The following SEMA5A variants were observed in gnomAD, a reference collection of about 807,000 sequenced individuals.
The protein encoded by SEMA5A is semaphorin-5A.
A neutral mutation model predicts 135.5 loss-of-function variants in SEMA5A; 55 were observed. That is an observed-to-expected ratio of 0.41 (90% confidence interval 0.33 to 0.51). The LOEUF (loss-of-function observed/expected upper bound fraction) is 0.51, where lower values mean the gene tolerates loss of function less well. Among genes scored for constraint, SEMA5A ranks in the 20% least tolerant of loss-of-function variants. SEMA5A has a pLI of 0.37. For missense variants in SEMA5A, 1,290 were observed against 1,419.9 expected, an observed-to-expected ratio of 0.91 and a Z score of 1.47; for synonymous variants, 580 against 546.5, an observed-to-expected ratio of 1.06 and a Z score of -0.85.
At chr5:9,064,339 C>T (rs576798686) in intron 17 of SEMA5A, among the ~76,000 whole-genome samples, 35 of 152,234 alleles carry the variant, frequency 2.3e-4, no homozygotes, top group African/African-American at 6.7e-4. Flanking sequence ...AAACTCTATG[C>T]GCACGTATGT....
At chr5:9,281,467 T>C (rs1750536777) in intron 5 of SEMA5A, among the ~76,000 whole-genome samples, 1 of 152,208 alleles carries the variant, frequency 6.6e-6, no homozygotes, top group Admixed American at 6.5e-5. Flanking sequence ...TGCTGCTAAA[T>C]GTCCTATGCT....
chr5:9,470,812 A>G (rs765358222), intron 1 of SEMA5A, among the ~76,000 whole-genome samples: 3 of 152,320 alleles, frequency 2.0e-5, no homozygotes, highest in Non-Finnish European at 4.4e-5. Flanking sequence ...CCAGATGCAC[A>G]TGGAGCACAA....
intron 2 of SEMA5A, among the ~76,000 whole-genome samples, chr5:9,393,592 C>T (rs1287631849): frequency 6.6e-6 from 1 of 152,176 alleles, no homozygotes; most frequent in Non-Finnish European, 1.5e-5. Context: ...TTTGAAAGAA[C>T]TTAGACCACT....
At chr5:9,251,718 G>A (rs557652084) in intron 5 of SEMA5A, among the ~76,000 whole-genome samples, 1 of 152,248 alleles carries the variant, frequency 6.6e-6, no homozygotes, top group South Asian at 2.1e-4. Flanking sequence ...GACAATGTGT[G>A]ACAGTACAAC....
chr5:9,494,368 T>C (rs189383305), intron 1 of SEMA5A, among the ~76,000 whole-genome samples: 7 of 152,346 alleles, frequency 4.6e-5, no homozygotes, highest in African/African-American at 1.7e-4. Flanking sequence ...ATAGATCTCC[T>C]TTTCCTTCTG....
intron 2 of SEMA5A, among the ~76,000 whole-genome samples, chr5:9,435,096 T>C (rs551604221): frequency 6.6e-6 from 1 of 152,338 alleles, no homozygotes; most frequent in South Asian, 2.1e-4. Flanking sequence ...TGCCATGTTA[T>C]TTCATCATTT....
intron 16 of SEMA5A, among the ~76,000 whole-genome samples, chr5:9,087,356 G>A (rs1738755604): frequency 6.6e-6 from 1 of 152,046 alleles, no homozygotes; most frequent in Non-Finnish European, 1.5e-5. Context: ...CATTTATCTT[G>A]AAGTTTCCTA....
At chr5:9,360,024 T>C (rs554952379) in intron 3 of SEMA5A, among the ~76,000 whole-genome samples, 2 of 152,374 alleles carry the variant, frequency 1.3e-5, no homozygotes, top group Admixed American at 6.5e-5. Context: ...TTTTGTTTAG[T>C]TTTTAAATTC....
intron 1 of SEMA5A, among the ~76,000 whole-genome samples, chr5:9,510,938 G>T (rs1736167693): frequency 6.6e-6 from 1 of 152,118 alleles, no homozygotes; most frequent in Admixed American, 6.5e-5. Flanking sequence ...GGTCCATTCG[G>T]CCTGCCATGC....
At chr5:9,265,114 T>G (rs1749615401) in intron 5 of SEMA5A, among the ~76,000 whole-genome samples, 1 of 152,194 alleles carries the variant, frequency 6.6e-6, no homozygotes, top group African/African-American at 2.4e-5. Flanking sequence ...GTGAATGGTC[T>G]GTTGTGGATG....
At chr5:9,346,343 C>A (rs1384760883) in intron 3 of SEMA5A, among the ~76,000 whole-genome samples, 1 of 152,164 alleles carries the variant, frequency 6.6e-6, no homozygotes, top group African/African-American at 2.4e-5. Context: ...TCACCATTTA[C>A]CTCCACATTT....
chr5:9,150,130 C>T (rs1391842845), intron 12 of SEMA5A, among the ~76,000 whole-genome samples: 3 of 152,170 alleles, frequency 2.0e-5, no homozygotes, highest in Non-Finnish European at 2.9e-5. Flanking sequence ...TGAGTCACCA[C>T]TTCCAGCCTT....
At chr5:9,540,809 A>G (rs980982639) in intron 1 of SEMA5A, among the ~76,000 whole-genome samples, 1 of 152,124 alleles carries the variant, frequency 6.6e-6, no homozygotes, top group African/African-American at 2.4e-5. Flanking sequence ...GCTGGCTCAG[A>G]ACAGCTTTGG....
Position 9,202,048 on chromosome 5 carries a change from C to T in SEMA5A, c.839G>A (p.Arg280His), listed in dbSNP as rs150276929. The change falls in exon 9 of 23, where the codon CGT becomes CAT. Residue 280 changes from arginine to histidine, a missense_variant. Around this residue, in one of 3 missense-constraint regions of SEMA5A, gnomAD observed 1,029 missense variants for 1,086.6 expected, o/e 0.95. Transcript: ENST00000382496. ...TFMKARLNCSRPGEVPFYYNE... is the reference protein window; with the variant it reads ...TFMKARLNCSHPGEVPFYYNE... ...GTAGTAAAAGGGGACTTCCCCAGGACGGGAGCAGTTCAGGCGAGCCTTCAT... is the reference window on the plus strand; with the variant it reads ...GTAGTAAAAGGGGACTTCCCCAGGATGGGAGCAGTTCAGGCGAGCCTTCAT... 172 of 1,614,068 alleles carry T rather than the reference C, an allele frequency of 1.1e-4. 1 individual carries two copies. The highest frequency in any genetic ancestry group is 8.5e-4 in the South Asian group (77 of 91,084).
At chr5:9,413,187 G>T (rs1338282100) in intron 2 of SEMA5A, among the ~76,000 whole-genome samples, 1 of 152,162 alleles carries the variant, frequency 6.6e-6, no homozygotes, top group Non-Finnish European at 1.5e-5. Flanking sequence ...ATTATCCAGT[G>T]ACAGGACAGT....
chr5:9,312,573 A>C (rs1190519870), intron 5 of SEMA5A, among the ~76,000 whole-genome samples: 1 of 152,144 alleles, frequency 6.6e-6, no homozygotes, highest in Non-Finnish European at 1.5e-5. Flanking sequence ...ATTTTACTTC[A>C]TAGTACATTT....
At chr5:9,106,302 A>C (rs1041142113) in intron 16 of SEMA5A, among the ~76,000 whole-genome samples, 1 of 152,236 alleles carries the variant, frequency 6.6e-6, no homozygotes, top group African/African-American at 2.4e-5. Context: ...AAATAAAGCA[A>C]TAAATACATT....
At chr5:9,106,380 A>T (rs1739918125) in intron 16 of SEMA5A, among the ~76,000 whole-genome samples, 1 of 152,236 alleles carries the variant, frequency 6.6e-6, no homozygotes, top group Non-Finnish European at 1.5e-5. Context: ...CACACATAGG[A>T]ACTACATAAA....
At chr5:9,341,942 C>T (rs542044200) in intron 3 of SEMA5A, among the ~76,000 whole-genome samples, 2 of 151,596 alleles carry the variant, frequency 1.3e-5, no homozygotes, top group South Asian at 4.2e-4. Context: ...AGTATAATTC[C>T]ATTTTTTTTA....
Sources: allele counts gnomAD v4.1 joint callset (sites outside exome capture counted in the v4.1 genomes callset), GRCh38; gene constraint gnomAD v4.1.1; regional missense constraint gnomAD v4.1.1; transcripts MANE v1.5; gene names NCBI Gene and HGNC (gene_info 2026-07-23, HGNC 2026-07-21).